CSGALNACT1: variants seen among roughly 807,000 people sequenced by gnomAD.
CSGALNACT1 encodes the protein beta4GalNAcT-1.
Under a neutral mutation model 51.0 loss-of-function variants are expected in CSGALNACT1, and 52 were observed. The ratio of observed to expected loss-of-function variants is 1.02; its 90% CI spans 0.82 to 1.29. CSGALNACT1 has a LOEUF of 1.29. CSGALNACT1 is among the 50% of genes most tolerant of loss of function. CSGALNACT1 has a pLI of 0.00. For synonymous variants in CSGALNACT1, 341 were observed against 254.4 expected, an observed-to-expected ratio of 1.34 and a Z score of -3.24; for missense variants, 935 against 679.2, an observed-to-expected ratio of 1.38 and a Z score of -4.19.
At chr8:19,592,223 T>C (rs1267960348) in intron 2 of CSGALNACT1, among the ~76,000 whole-genome samples, 1 of 152,192 alleles carries the variant, frequency 6.6e-6, no homozygotes, top group Non-Finnish European at 1.5e-5. Flanking sequence ...TAAGTCAATT[T>C]ACAAAACCAG....
Position 19,667,044 on chromosome 8 carries a change from A to AAGGAAGG in CSGALNACT1, c.-544+15428_-544+15429insCCTTCCT, listed in dbSNP as rs1564386999. ...GGAAGGAAGGAAGGAAGGAAGGAAG[A>AAGGAAGG]AAGAAAGAAAGAAAGAAAGAAAGAA... On this transcript the variant is annotated intron_variant, in intron 1 of 9. Coordinates refer to the CSGALNACT1 transcript ENST00000332246. Among the ~76,000 whole-genome samples, 55 of 56,990 alleles carry AAGGAAGG rather than the reference A, an allele frequency of 9.7e-4. 2 individuals are homozygous for AAGGAAGG. Among genetic ancestry groups the AAGGAAGG allele is most frequent in the Middle Eastern group, 9.1e-3 (1 of 110 alleles). The allele number at this position is 56,990 out of a possible 152,430, so 37.4% of individuals were successfully genotyped here. A position where few individuals can be genotyped will look rare whatever the true frequency, so the allele number is the denominator to read the frequency against.
intron 1 of CSGALNACT1, among the ~76,000 whole-genome samples, chr8:19,628,304 C>A (rs2054714332): frequency 6.6e-6 from 1 of 152,142 alleles, no homozygotes; most frequent in South Asian, 2.1e-4. Context: ...GTACATCTTA[C>A]ATGGTGGCAG....
intron 1 of CSGALNACT1, among the ~76,000 whole-genome samples, chr8:19,755,478 A>AAAAAAAAAAAAAAT (rs2065307974): frequency 6.8e-6 from 1 of 147,824 alleles, no homozygotes; most frequent in Non-Finnish European, 1.5e-5. Context: ...AAAAAAAAAA[A>AAAAAAAAAAAAAAT]AAAGACAACA....
At chr8:19,562,238 C>T (rs1358329372) in intron 3 of CSGALNACT1, among the ~76,000 whole-genome samples, 3 of 152,178 alleles carry the variant, frequency 2.0e-5, no homozygotes, top group South Asian at 2.1e-4. Flanking sequence ...TGAAAAGGCT[C>T]TTCATGGTCA....
intron 3 of CSGALNACT1, among the ~76,000 whole-genome samples, chr8:19,541,129 G>C (rs1338671528): frequency 6.6e-6 from 1 of 151,844 alleles, no homozygotes; most frequent in Non-Finnish European, 1.5e-5. Context: ...CCCCAGGCTA[G>C]AATGCAGTGG....
chr8:19,569,001 T>G lies in CSGALNACT1; in HGVS notation c.-297+22159A>C, dbSNP rs556486054. 1.6e-4 allele frequency among the ~76,000 whole-genome samples: 25 copies of G among 152,298 alleles called. No individual in the cohort carries two copies. The East Asian group carries it at 4.4e-3, about 27-fold the overall frequency. ...AAAATACTTCCAGGAGGAGGTAACATAAATGAACCATGATGCAATTTTAAC... is the reference window on the plus strand; with the variant it reads ...AAAATACTTCCAGGAGGAGGTAACAGAAATGAACCATGATGCAATTTTAAC... On this transcript the variant is annotated intron_variant, in intron 3 of 9. Transcript: ENST00000454498.
At position 19,667,004 on chromosome 8, in the gene CSGALNACT1, A is replaced by T. The variant is rs1357589224; in HGVS notation, c.-544+15469T>A. ...GAAAGAAAGAAAGAAAGAAAGAAAGAAAGAAAGAAAGAAAGGAAGGAAGGA... is the reference window on the plus strand; with the variant it reads ...GAAAGAAAGAAAGAAAGAAAGAAAGTAAGAAAGAAAGAAAGGAAGGAAGGA... On this transcript the variant is annotated intron_variant, in intron 1 of 9. Coordinates refer to the CSGALNACT1 transcript ENST00000332246. Among the ~76,000 whole-genome samples, 28 of 25,096 alleles carry T rather than the reference A, an allele frequency of 1.1e-3. 2 individuals carry two copies. Among genetic ancestry groups the T allele is most frequent in the African/African-American group, 6.9e-3 (26 of 3,770 alleles). The allele number at this position is 25,096 out of a possible 152,430, so 16.5% of individuals were successfully genotyped here.
upstream of CSGALNACT1, among the ~76,000 whole-genome samples, chr8:19,603,038 CTG>C (rs554672648): frequency 4.3e-3 from 502 of 115,990 alleles, 7 homozygotes; most frequent in South Asian, 0.032. Context: ...TTTGCTATTA[CTG>C]TGTGTATACA....
At chr8:19,662,902 C>T (rs547851336) in intron 1 of CSGALNACT1, among the ~76,000 whole-genome samples, 30 of 152,266 alleles carry the variant, frequency 2.0e-4, no homozygotes, top group African/African-American at 7.2e-4. Context: ...TTCAACCACT[C>T]CCATGAAACA....
intron 1 of CSGALNACT1, among the ~76,000 whole-genome samples, chr8:19,756,051 G>A (rs2065352554): frequency 6.6e-6 from 1 of 152,038 alleles, no homozygotes; most frequent in South Asian, 2.1e-4. Context: ...AATTCATCTT[G>A]CCTTTCTGCG....
At chr8:19,435,607 G>A (rs1489301642) in intron 6 of CSGALNACT1, among the ~76,000 whole-genome samples, 1 of 152,154 alleles carries the variant, frequency 6.6e-6, no homozygotes, top group Non-Finnish European at 1.5e-5. Flanking sequence ...CTAGTTCAGT[G>A]ATGGTTCCCA....
intron 5 of CSGALNACT1, among the ~76,000 whole-genome samples, chr8:19,458,061 TCTC>T (rs1446987094): frequency 1.3e-5 from 2 of 152,138 alleles, no homozygotes; most frequent in Non-Finnish European, 2.9e-5. Context: ...CCAGCTCCTC[TCTC>T]CTCCTCAAGA....
At chr8:19,477,923 C>T (rs561063509) in intron 4 of CSGALNACT1, among the ~76,000 whole-genome samples, 9 of 152,162 alleles carry the variant, frequency 5.9e-5, no homozygotes, top group East Asian at 1.9e-4. Flanking sequence ...AGAAGCCATG[C>T]GCCAGTTAGA....
chr8:19,485,044 C>A (rs1462982383), intron 4 of CSGALNACT1, among the ~76,000 whole-genome samples: 1 of 152,164 alleles, frequency 6.6e-6, no homozygotes, highest in Non-Finnish European at 1.5e-5. Flanking sequence ...AAATAAACTT[C>A]TCTTGTCTCA....
At chr8:19,447,671 G>C (rs902283113) in intron 5 of CSGALNACT1, among the ~76,000 whole-genome samples, 4 of 152,186 alleles carry the variant, frequency 2.6e-5, no homozygotes, top group Non-Finnish European at 4.4e-5. Flanking sequence ...AGCAGGGGGA[G>C]GTGGGTGTAC....
At chr8:19,517,235 C>T (rs1041735208) in intron 3 of CSGALNACT1, among the ~76,000 whole-genome samples, 2 of 152,038 alleles carry the variant, frequency 1.3e-5, no homozygotes, top group Non-Finnish European at 2.9e-5. Flanking sequence ...TTTGGGAGTT[C>T]GAGATCAGCA....
At chr8:19,635,204 G>C in intron 1 of CSGALNACT1, among the ~76,000 whole-genome samples, 1 of 152,152 alleles carries the variant, frequency 6.6e-6, no homozygotes, top group African/African-American at 2.4e-5. Flanking sequence ...ACAGCTACCC[G>C]TCCTCTCCTG....
At chr8:19,733,739 C>T (rs73202528) in intron 1 of CSGALNACT1, among the ~76,000 whole-genome samples, 8,303 of 152,254 alleles carry the variant, frequency 0.055, 334 homozygotes, top group Non-Finnish European at 0.073. Flanking sequence ...CCAAGGCAGA[C>T]TAGCTAAGGT....
chr8:19,736,051 C>CA (rs1217362636), intron 1 of CSGALNACT1, among the ~76,000 whole-genome samples: 3 of 151,946 alleles, frequency 2.0e-5, no homozygotes, highest in East Asian at 1.9e-4. Flanking sequence ...ACATTTAAGG[C>CA]AAAAAAATGC....
Sources: allele counts gnomAD v4.1 joint callset (sites outside exome capture counted in the v4.1 genomes callset), GRCh38; gene constraint gnomAD v4.1.1; transcripts MANE v1.5; gene names NCBI Gene and HGNC (gene_info 2026-07-23, HGNC 2026-07-21).